Variants in IKZF3 observed in about 807,000 individuals in gnomAD.
IKZF3 encodes the protein IKAROS family zinc finger 3.
Under a neutral mutation model 49.0 loss-of-function variants are expected in IKZF3, and 10 were observed. The observed-to-expected ratio is 0.20, with a 90% confidence interval of 0.13 to 0.35. The LOEUF (loss-of-function observed/expected upper bound fraction) is 0.35, where lower values mean the gene tolerates loss of function less well. Among genes scored for constraint, IKZF3 ranks in the 10% least tolerant of loss-of-function variants. The pLI, the probability that IKZF3 is intolerant of heterozygous loss-of-function variation, is 1.00. For synonymous variants in IKZF3, 209 were observed against 228.2 expected (o/e 0.92, Z 0.76); for missense variants, 498 against 664.8 (o/e 0.75, Z 2.76).
intron 6 of IKZF3, among the ~76,000 whole-genome samples, chr17:39,783,650 G>A (rs1170285861): frequency 6.6e-6 from 1 of 152,160 alleles, no homozygotes; most frequent in Non-Finnish European, 1.5e-5. Flanking sequence ...ATAGGTTGGG[G>A]CCAAGTGTGG....
At chr17:39,787,270 C>G (rs1047991886) in intron 6 of IKZF3, among the ~76,000 whole-genome samples, 1 of 152,102 alleles carries the variant, frequency 6.6e-6, no homozygotes, top group Non-Finnish European at 1.5e-5. Flanking sequence ...TCAGGCTGTT[C>G]CAACAAAGAA....
At chr17:39,862,149 A>T (rs2063230514) in intron 1 of IKZF3, among the ~76,000 whole-genome samples, 1 of 152,184 alleles carries the variant, frequency 6.6e-6, no homozygotes, top group Non-Finnish European at 1.5e-5. Flanking sequence ...TGATTTTAGT[A>T]TATTCATTAA....
intron 3 of IKZF3, among the ~76,000 whole-genome samples, chr17:39,797,208 C>G (rs1245539233): frequency 1.3e-5 from 2 of 151,820 alleles, no homozygotes; most frequent in Non-Finnish European, 2.9e-5. Context: ...CTTACTGCCT[C>G]TACAGCCTCA....
chr17:39,815,690 G>A (rs1245918708), intron 3 of IKZF3, among the ~76,000 whole-genome samples: 1 of 152,088 alleles, frequency 6.6e-6, no homozygotes, highest in Non-Finnish European at 1.5e-5. Context: ...AAAGACTTGG[G>A]GATCTCTGGG....
intron 1 of IKZF3, among the ~76,000 whole-genome samples, chr17:39,845,757 T>C (rs1413193760): frequency 3.9e-5 from 6 of 152,126 alleles, no homozygotes; most frequent in East Asian, 3.9e-4. Flanking sequence ...AACCCTGCAA[T>C]TGGAATTTCA....
At chr17:39,825,676 C>A (rs1024199529) in intron 3 of IKZF3, among the ~76,000 whole-genome samples, 2 of 151,918 alleles carry the variant, frequency 1.3e-5, no homozygotes, top group Non-Finnish European at 2.9e-5. Flanking sequence ...GGATTTTGGA[C>A]CAGAGAATTT....
intron 1 of IKZF3, among the ~76,000 whole-genome samples, chr17:39,845,033 T>A (rs1327356465): frequency 6.6e-6 from 1 of 152,210 alleles, no homozygotes; most frequent in African/African-American, 2.4e-5. Flanking sequence ...ACTTGTTGAA[T>A]GAACAAGTGA....
chr17:39,781,050 C>T (rs2060729589), intron 6 of IKZF3, among the ~76,000 whole-genome samples: 1 of 152,090 alleles, frequency 6.6e-6, no homozygotes, highest in South Asian at 2.1e-4. Flanking sequence ...TGCAAAAGTA[C>T]TCGACTGACT....
At chr17:39,863,117 A>C (rs1158926989) in intron 1 of IKZF3, among the ~76,000 whole-genome samples, 1 of 152,186 alleles carries the variant, frequency 6.6e-6, no homozygotes. Flanking sequence ...TTGGCCAATA[A>C]AACCTTTGTT....
Position 39,777,644 on chromosome 17 carries a change from T to C in IKZF3, c.826+7A>G. 2 of 1,599,904 alleles carry C rather than the reference T, an allele frequency of 1.3e-6. No homozygotes were observed. The highest frequency in any genetic ancestry group is 1.7e-6 in the Non-Finnish European group (2 of 1,167,612). On this transcript the variant is annotated splice_region_variant and intron_variant, in intron 7 of 7. Coordinates refer to ENST00000346872, the MANE Select transcript of IKZF3 (RefSeq NM_012481.5). ...AACAACAGCAGGAAAAAGGTTTGTA[T>C]TCTTACCAATGAATTTCTGAGGCAT...
At chr17:39,810,634 C>T (rs866364618) in intron 3 of IKZF3, among the ~76,000 whole-genome samples, 3 of 143,806 alleles carry the variant, frequency 2.1e-5, no homozygotes, top group South Asian at 2.2e-4. Flanking sequence ...AAAAAAAAAA[C>T]CCAATAAAAT....
intron 3 of IKZF3, among the ~76,000 whole-genome samples, chr17:39,802,509 A>G (rs2061345096): frequency 3.3e-5 from 5 of 151,782 alleles, no homozygotes; most frequent in Admixed American, 3.3e-4. Flanking sequence ...TAGGAGGCTA[A>G]GGCAGGAGAT....
In IKZF3 at chr17:39,859,234, G is replaced by A. The variant is rs562357728; in HGVS notation, c.7+4886C>T. Among the ~76,000 whole-genome samples, 6 of 151,824 alleles carry A rather than the reference G, an allele frequency of 4.0e-5. No homozygotes were observed. The East Asian group carries it at 1.2e-3, about 29-fold the overall frequency. On this transcript the variant is annotated intron_variant, in intron 1 of 7. Transcript: ENST00000346872. ...TCACTAGGGATAAAAGTATTTTGAT[G>A]AGTTATATAGTAATATTAATTAATA...
chr17:39,820,200 A>G (rs1379388130), intron 3 of IKZF3, among the ~76,000 whole-genome samples: 1 of 152,236 alleles, frequency 6.6e-6, no homozygotes, highest in Non-Finnish European at 1.5e-5. Flanking sequence ...GTTCAGTGTC[A>G]TGCGATGAAT....
intron 6 of IKZF3, among the ~76,000 whole-genome samples, chr17:39,784,180 G>A (rs748944465): frequency 2.0e-5 from 3 of 152,050 alleles, no homozygotes; most frequent in Non-Finnish European, 4.4e-5. Context: ...AATATTTCCT[G>A]CTCCAAGTAT....
At chr17:39,785,743 A>T (rs2060858750) in intron 6 of IKZF3, among the ~76,000 whole-genome samples, 1 of 152,210 alleles carries the variant, frequency 6.6e-6, no homozygotes, top group South Asian at 2.1e-4. Flanking sequence ...ACCAGATAAT[A>T]TATAACCTTT....
intron 3 of IKZF3, among the ~76,000 whole-genome samples, chr17:39,800,031 T>C (rs766443102): frequency 6.6e-6 from 1 of 152,240 alleles, no homozygotes; most frequent in East Asian, 1.9e-4. Flanking sequence ...CTGATTTCAG[T>C]TGTCAGTGAC....
chr17:39,811,852 G>C (rs531099673), intron 3 of IKZF3, among the ~76,000 whole-genome samples: 1 of 152,292 alleles, frequency 6.6e-6, no homozygotes, highest in Admixed American at 6.5e-5. Flanking sequence ...GACTGTTCTT[G>C]CCATGTCTTT....
At chr17:39,775,714 C>G (rs941778096) in intron 7 of IKZF3, among the ~76,000 whole-genome samples, 1 of 152,086 alleles carries the variant, frequency 6.6e-6, no homozygotes, top group Admixed American at 6.6e-5. Flanking sequence ...CACCTGAGGT[C>G]GGGAGTTCAA....
Sources: allele counts gnomAD v4.1 joint callset (sites outside exome capture counted in the v4.1 genomes callset), GRCh38; gene constraint gnomAD v4.1.1; transcripts MANE v1.5; gene names NCBI Gene and HGNC (gene_info 2026-07-23, HGNC 2026-07-21).